TLCD4: variants seen among roughly 807,000 people sequenced by gnomAD.
TLCD4 encodes TLC domain containing 4.
Under a neutral mutation model 24.2 loss-of-function variants are expected in TLCD4, and 7 were observed. That is an observed-to-expected ratio of 0.29 (90% CI 0.16 to 0.54). The LOEUF (loss-of-function observed/expected upper bound fraction) is 0.54, where lower values mean the gene tolerates loss of function less well. Ranked by LOEUF, TLCD4 falls within the 20% of genes least tolerant of loss-of-function variation. The pLI is 0.95. For missense variants in TLCD4, 259 were observed against 313.9 expected (o/e 0.82, Z 1.32); for synonymous variants, 103 against 106.4 (o/e 0.97, Z 0.20).
chr1:95,109,523 T>C, the TLCD4 span, among the ~76,000 whole-genome samples: 1 of 150,598 alleles, frequency 6.6e-6, no homozygotes, highest in Non-Finnish European at 1.5e-5. Context: ...AATCTTGCTC[T>C]GTTGCCCAGG....
intron 5 of TLCD4, among the ~76,000 whole-genome samples, chr1:95,154,862 A>G (rs67781210): frequency 0.26 from 38,139 of 146,764 alleles, 6,106 homozygotes; most frequent in Middle Eastern, 0.38. Context: ...TCTCAAGCAC[A>G]ATTGAAATGT....
At chr1:95,130,342 C>A (rs1042744077) in intron 1 of TLCD4, among the ~76,000 whole-genome samples, 10 of 151,926 alleles carry the variant, frequency 6.6e-5, no homozygotes, top group Admixed American at 5.9e-4. Flanking sequence ...TTGGTAGAGA[C>A]GGGGTTTTAC....
At chr1:95,167,499 AAG>A (rs949646906) in intron 5 of TLCD4, among the ~76,000 whole-genome samples, 2 of 152,106 alleles carry the variant, frequency 1.3e-5, no homozygotes, top group African/African-American at 4.8e-5. Context: ...GACATAATGT[AAG>A]AGAGTCTTGG....
chr1:95,146,567 A>G (rs1240158824), intron 2 of TLCD4, among the ~76,000 whole-genome samples: 1 of 152,088 alleles, frequency 6.6e-6, no homozygotes, highest in East Asian at 1.9e-4. Flanking sequence ...GAAATATTTT[A>G]TCTTGGGTAA....
At chr1:95,151,173 A>G (rs1677481771) in intron 4 of TLCD4, 152 bp from the exon 5 acceptor site, 1 of 750,804 alleles carries the variant, frequency 1.3e-6, no homozygotes, top group South Asian at 1.6e-5. Flanking sequence ...ATTTTATGGT[A>G]AAGTAGATAA....
intron 5 of TLCD4, among the ~76,000 whole-genome samples, chr1:95,161,104 T>G (rs1677783122): frequency 6.6e-6 from 1 of 152,228 alleles, no homozygotes; most frequent in African/African-American, 2.4e-5. Context: ...GTACCTCTGG[T>G]AGAATTCGGC....
chr1:95,133,798 A>G (rs1177942068), intron 1 of TLCD4, among the ~76,000 whole-genome samples: 1 of 151,998 alleles, frequency 6.6e-6, no homozygotes, highest in African/African-American at 2.4e-5. Flanking sequence ...CAACCTTCTC[A>G]TGTGTGACAT....
intron 5 of TLCD4, among the ~76,000 whole-genome samples, chr1:95,172,880 T>G (rs976369173): frequency 1.3e-5 from 2 of 152,206 alleles, no homozygotes; most frequent in African/African-American, 4.8e-5. Context: ...AATTCTGATT[T>G]AATTGGAAGT....
intron 6 of TLCD4, among the ~76,000 whole-genome samples, chr1:95,184,199 T>G (rs2101013960): frequency 6.6e-6 from 1 of 152,290 alleles, no homozygotes; most frequent in African/African-American, 2.4e-5. Flanking sequence ...ACAACAGCAC[T>G]TCTTAAAATT....
At chr1:95,110,547 G>A in the TLCD4 span, among the ~76,000 whole-genome samples, 3 of 152,016 alleles carry the variant, frequency 2.0e-5, no homozygotes, top group African/African-American at 4.8e-5. Flanking sequence ...AAATAAAACC[G>A]AAAGTATATG....
intron 1 of TLCD4, among the ~76,000 whole-genome samples, chr1:95,124,042 C>T (rs767032494): frequency 5.3e-5 from 8 of 152,226 alleles, no homozygotes; most frequent in Non-Finnish European, 1.2e-4. Flanking sequence ...TGGGGCAATG[C>T]ATCCTCCTTA....
intron 6 of TLCD4, among the ~76,000 whole-genome samples, chr1:95,179,332 G>A (rs1214300752): frequency 3.3e-5 from 5 of 152,180 alleles, no homozygotes; most frequent in African/African-American, 1.2e-4. Context: ...TCTAGGCCAG[G>A]TTGGCAAACC....
upstream of TLCD4, among the ~76,000 whole-genome samples, chr1:95,114,611 C>T (rs563354615): frequency 6.6e-6 from 1 of 152,224 alleles, no homozygotes; most frequent in South Asian, 2.1e-4. Context: ...GGGTGGATCA[C>T]TTGAGGTCAG....
intron 2 of TLCD4, among the ~76,000 whole-genome samples, chr1:95,146,569 C>T (rs890484856): frequency 2.6e-5 from 4 of 151,896 alleles, no homozygotes; most frequent in African/African-American, 7.3e-5. Context: ...AATATTTTAT[C>T]TTGGGTAATA....
intron 6 of TLCD4, among the ~76,000 whole-genome samples, chr1:95,190,110 T>G (rs866132684): frequency 7.6e-6 from 1 of 131,496 alleles, no homozygotes; most frequent in East Asian, 2.2e-4. Flanking sequence ...TTTTTTTTTT[T>G]CTTTTTTTTT....
At chr1:95,144,163 A>G in intron 2 of TLCD4, 107 bp downstream of exon 2, 1 of 1,195,316 alleles carries the variant, frequency 8.4e-7, no homozygotes, top group Non-Finnish European at 1.0e-6. Context: ...GTAAGGCCAA[A>G]TTTTTATTTG....
At chr1:95,104,168 A>T in the TLCD4 span, among the ~76,000 whole-genome samples, 1 of 152,226 alleles carries the variant, frequency 6.6e-6, no homozygotes, top group Non-Finnish European at 1.5e-5. Context: ...AATGTAGATT[A>T]TCAGGTAAGA....
At chr1:95,182,261 A>G (rs909135478) in intron 6 of TLCD4, among the ~76,000 whole-genome samples, 1 of 146,210 alleles carries the variant, frequency 6.8e-6, no homozygotes, top group Admixed American at 6.8e-5. Flanking sequence ...ATCATAGTTT[A>G]TTGTTTTTTG....
At chr1:95,132,100 G>A (rs1316753481) in intron 1 of TLCD4, among the ~76,000 whole-genome samples, 5 of 152,194 alleles carry the variant, frequency 3.3e-5, no homozygotes, top group Non-Finnish European at 5.9e-5. Context: ...CCAGGGCCAT[G>A]CCCTTGAACT....
Sources: gnomAD v4.1 joint callset for allele counts (sites outside exome capture counted in the v4.1 genomes callset) on GRCh38, gnomAD v4.1.1 for gene constraint, MANE v1.5 for transcripts, NCBI Gene and HGNC (gene_info 2026-07-23, HGNC 2026-07-21) for gene names.